The following RDH12 variants were observed in gnomAD, a reference collection of about 807,000 sequenced individuals.
The protein encoded by RDH12 is all-trans and 9-cis retinol dehydrogenase.
RDH12 carries 21 observed loss-of-function variants against 34.0 expected under a neutral mutation model. The ratio of observed to expected loss-of-function variants is 0.62; its 90% CI spans 0.44 to 0.89. RDH12 has a LOEUF of 0.89. Ranked by LOEUF, RDH12 falls within the 40% of genes least tolerant of loss-of-function variation. The pLI is 0.00. For missense variants in RDH12, 394 were observed against 398.6 expected (o/e 0.99, Z 0.10); for synonymous variants, 198 against 169.9 (o/e 1.17, Z -1.29).
At chr14:67,702,098 T>A (rs780781219) in intron 1 of RDH12, among the ~76,000 whole-genome samples, 163 bp downstream of exon 1, 3 of 152,116 alleles carry the variant, frequency 2.0e-5, no homozygotes, top group Non-Finnish European at 2.9e-5. Flanking sequence ...ATAACAGTCA[T>A]GAACCACTGT....
chr14:67,728,346 G>C (rs565514530), intron 7 of RDH12: 14 of 152,254 alleles, frequency 9.2e-5, no homozygotes, highest in Admixed American at 6.5e-4. Context: ...CCTGTGAGGT[G>C]GGTGCTATTA....
intron 1 of RDH12, among the ~76,000 whole-genome samples, chr14:67,709,874 G>A (rs72723158): frequency 0.13 from 20,324 of 152,124 alleles, 1,396 homozygotes; most frequent in East Asian, 0.21. Flanking sequence ...AATCACTAAG[G>A]AAATCTCAAG....
At chr14:67,730,707 G>T (rs546511674) in intron 8 of RDH12, among the ~76,000 whole-genome samples, 2 of 152,164 alleles carry the variant, frequency 1.3e-5, no homozygotes, top group African/African-American at 4.8e-5. Context: ...GGGTTCAAGC[G>T]ATTCTCCTGA....
intron 2 of RDH12, 56 bp from the exon 3 acceptor site, chr14:67,722,368 C>T (rs2038133693): frequency 1.8e-6 from 1 of 549,704 alleles, no homozygotes; most frequent in Non-Finnish European, 3.3e-6. Context: ...CCCACATTCT[C>T]TTTGCCAGTA....
intron 1 of RDH12, among the ~76,000 whole-genome samples, chr14:67,717,299 T>C (rs1311945798): frequency 6.6e-6 from 1 of 152,190 alleles, no homozygotes; most frequent in African/African-American, 2.4e-5. Flanking sequence ...AGGTGTGTTT[T>C]TGAAGTATAT....
rs754467274 is a variant in RDH12, at chr14:67,726,008, G to T, written c.344-43G>T. The stretch of plus-strand genomic sequence containing the variant: ...GCAGGTCTGTTACAGGCAGCTAGGG[G>T]ACTCCTTGCTAACCATAGGATCTCT... On this transcript the variant is annotated intron_variant, in intron 5 of 8. Coordinates refer to ENST00000551171, the MANE Select transcript of RDH12 (RefSeq NM_152443.3). 6 of 1,319,142 alleles carry T rather than the reference G, an allele frequency of 4.5e-6. No homozygotes were observed. In the South Asian group the frequency reaches 7.0e-5, roughly 15 times the overall value. The allele number at this position is 1,319,142 out of a possible 1,614,324, so 81.7% of individuals were successfully genotyped here. A position where few individuals can be genotyped will look rare whatever the true frequency, so the allele number is the denominator to read the frequency against.
intron 1 of RDH12, among the ~76,000 whole-genome samples, chr14:67,710,672 T>G (rs914840603): frequency 6.6e-6 from 1 of 152,100 alleles, no homozygotes; most frequent in African/African-American, 2.4e-5. Context: ...ATACATGATC[T>G]TTAAATAAGC....
intron 2 of RDH12, among the ~76,000 whole-genome samples, chr14:67,721,995 A>G (rs1290278484): frequency 6.6e-6 from 1 of 152,162 alleles, no homozygotes; most frequent in Non-Finnish European, 1.5e-5. Flanking sequence ...AAAGTGCACA[A>G]GTCGAAAGCA....
chr14:67,731,726 G>T (rs1488443406), intron 8 of RDH12, among the ~76,000 whole-genome samples: 1 of 152,172 alleles, frequency 6.6e-6, no homozygotes, highest in Non-Finnish European at 1.5e-5. Context: ...AGTCTGGAGG[G>T]ATAACCAGCC....
chr14:67,727,111 C>G lies in RDH12; in HGVS notation c.579C>G (p.Arg193=). ...TCCACGACCTCCAGAGCGAGAAGCG[C>G]TACAGCAGGGGTTTTGCCTATTGCC... ...IPFHDLQSEK[R]YSRGFAYCHS... is the part of the protein sequence containing the mutation. Residue 193 remains arginine (R), a synonymous_variant, in exon 7 of 9, where the codon CGC becomes CGG. Transcript: ENST00000551171. 1 of 1,614,222 alleles carries G rather than the reference C, an allele frequency of 6.2e-7. No homozygotes were observed. The highest frequency in any genetic ancestry group is 8.5e-7 in the Non-Finnish European group (1 of 1,180,044).
At position 67,724,479 on chromosome 14, in the gene RDH12, CT is replaced by C; in HGVS notation, c.78del (p.Phe26LeufsTer16). Reference sequence around the variant, plus strand: ...TTGTTTCCCTTGCCGATAGGAAGTTCTTTGCTGGTGGAGTGTGTAGAACAAA... The same window carrying C: ...TTGTTTCCCTTGCCGATAGGAAGTTCTTGCTGGTGGAGTGTGTAGAACAAA... ...YMVAPSIRKFFAGGVCRTNVQ... is the reference protein window; with the variant it reads ...YMVAPSIRKFXAGGVCRTNVQ... On this transcript the variant is annotated frameshift_variant, in exon 4 of 9. Transcript: ENST00000551171. LOFTEE classifies it high-confidence loss of function. 1 of 1,570,384 alleles carries C rather than the reference CT, an allele frequency of 6.4e-7. No individual in the cohort carries two copies. The highest frequency in any genetic ancestry group is 8.7e-7 in the Non-Finnish European group (1 of 1,155,880).
chr14:67,710,745 C>T (rs760332409), intron 1 of RDH12, among the ~76,000 whole-genome samples: 10 of 150,584 alleles, frequency 6.6e-5, no homozygotes, highest in Non-Finnish European at 8.9e-5. Flanking sequence ...TTAGAAAGAA[C>T]GTTTTCCTAC....
At chr14:67,709,439 A>T (rs1295201533) in intron 1 of RDH12, among the ~76,000 whole-genome samples, 1 of 152,232 alleles carries the variant, frequency 6.6e-6, no homozygotes, top group Non-Finnish European at 1.5e-5. Context: ...CATAACCTTT[A>T]TAACCTTTAG....
chr14:67,714,449 T>C (rs1460529525), intron 1 of RDH12: 1 of 152,278 alleles, frequency 6.6e-6, no homozygotes, highest in East Asian at 1.9e-4. Context: ...GTTTTATTTT[T>C]GTACCTAATA....
chr14:67,729,519 C>T lies in RDH12; in HGVS notation c.848+139C>T, dbSNP rs796264824. ...TGGGTTGGGCCTGCAAACAGAATGC[C>T]GTTGCTTTGTTAAGGAAACTTACAG... is the stretch of plus-strand genomic sequence containing the variant. On this transcript the variant is annotated intron_variant, in intron 8 of 8. Transcript: ENST00000551171. 12 of 808,758 alleles carry T rather than the reference C, an allele frequency of 1.5e-5. No individual in the cohort carries two copies. The African/African-American group carries it at 1.7e-4, about 11-fold the overall frequency. The allele number at this position is 808,758 out of a possible 1,614,324, so 50.1% of individuals were successfully genotyped here. A position where few individuals can be genotyped will look rare whatever the true frequency, so the allele number is the denominator to read the frequency against.
Position 67,733,933 on chromosome 14 carries a change from T to G in RDH12, c.*85T>G. 1 of 1,007,736 alleles carries G rather than the reference T, an allele frequency of 9.9e-7. No individual in the cohort carries two copies. Among genetic ancestry groups the G allele is most frequent in the Non-Finnish European group, 1.5e-6 (1 of 646,074 alleles). The allele number at this position is 1,007,736 out of a possible 1,614,324, so 62.4% of individuals were successfully genotyped here. A position where few individuals can be genotyped will look rare whatever the true frequency, so the allele number is the denominator to read the frequency against. ...GGAGAAGGCCAACCCTAAAGGATTG[T>G]CCTCTTGGCCAGCTGGTGCTGCGAA... On this transcript the variant is annotated 3_prime_UTR_variant, in exon 9 of 9. Transcript: ENST00000551171.
intron 1 of RDH12, chr14:67,715,225 A>AGG (rs1555389591): frequency 2.0e-5 from 3 of 150,594 alleles, no homozygotes; most frequent in African/African-American, 4.9e-5. Context: ...AAAAAATAAA[A>AGG]GGGGGGGAGC....
intron 1 of RDH12, chr14:67,705,977 A>G (rs1296020980): frequency 1.3e-5 from 2 of 152,236 alleles, no homozygotes; most frequent in Admixed American, 6.5e-5. Context: ...GCATGTGCCT[A>G]TAGTTCCAGT....
intron 8 of RDH12, 28 bp downstream of exon 8, chr14:67,729,408 A>C: frequency 1.3e-6 from 2 of 1,592,120 alleles, no homozygotes; most frequent in Non-Finnish European, 8.5e-7. Context: ...GGTTCTCTCC[A>C]CCACCTGTGT....
Sources: allele counts gnomAD v4.1 joint callset (sites outside exome capture counted in the v4.1 genomes callset), GRCh38; gene constraint gnomAD v4.1.1; transcripts MANE v1.5; gene names NCBI Gene and HGNC (gene_info 2026-07-23, HGNC 2026-07-21).